Variants in UNC45B observed in about 807,000 individuals in gnomAD.
UNC45B encodes the protein unc-45 myosin chaperone B, also known as protein unc-45 homolog B.
UNC45B carries 78 observed loss-of-function variants against 98.7 expected under a neutral mutation model. That is an observed-to-expected ratio of 0.79 (90% CI 0.66 to 0.95). UNC45B has a LOEUF of 0.95. Ranked by LOEUF, UNC45B falls within the 40% of genes least tolerant of loss-of-function variation. UNC45B has a pLI of 0.00. For missense variants in UNC45B, 1,225 were observed against 1,184.9 expected, an observed-to-expected ratio of 1.03 and a Z score of -0.50; for synonymous variants, 462 against 480.4, an observed-to-expected ratio of 0.96 and a Z score of 0.50.
intron 5 of UNC45B, among the ~76,000 whole-genome samples, chr17:35,153,936 G>C (rs1051518863): frequency 3.3e-5 from 5 of 152,222 alleles, no homozygotes; most frequent in African/African-American, 1.2e-4. Context: ...GCATCCTTAA[G>C]TTGGAAGGCT....
intron 4 of UNC45B, among the ~76,000 whole-genome samples, chr17:35,152,352 GGAT>G (rs1385037625): frequency 1.3e-5 from 2 of 152,202 alleles, no homozygotes; most frequent in African/African-American, 4.8e-5. Flanking sequence ...GCGGAGTGAA[GGAT>G]GATGATCAGT....
At chr17:35,164,188 C>A (rs773327793) in intron 9 of UNC45B, 22 bp downstream of exon 9, 2 of 1,596,492 alleles carry the variant, frequency 1.3e-6, no homozygotes, top group African/African-American at 2.7e-5. Flanking sequence ...GGAGGCCTCA[C>A]AGGGTCAGGC....
intron 4 of UNC45B, among the ~76,000 whole-genome samples, chr17:35,152,152 A>G (rs529033651): frequency 1.3e-5 from 2 of 152,332 alleles, no homozygotes; most frequent in African/African-American, 4.8e-5. Context: ...AGGCTTAGAC[A>G]GGAGAATCAC....
chr17:35,177,181 C>T (rs1361425065), intron 16 of UNC45B, 51 bp downstream of exon 16: 1 of 1,509,468 alleles, frequency 6.6e-7, no homozygotes, highest in Non-Finnish European at 9.2e-7. Flanking sequence ...CTCCTTTGCT[C>T]CTAGAGGCCT....
In UNC45B at chr17:35,177,595, G is replaced by A. The variant is rs772024538; in HGVS notation, c.2240G>A (p.Arg747Gln). 5.7e-5 allele frequency: 88 copies of A among 1,554,790 alleles called. No homozygotes were observed. Among genetic ancestry groups the A allele is most frequent in the Middle Eastern group, 5.0e-4 (3 of 6,014 alleles). ...CTAGGCCTCACCAACCTGTCTGGGC[G>A]GAGTGACAAACTCCGGTGAGTGTGG... ...ALLGLTNLSG[R>Q]SDKLRQKIFK... The change falls in exon 17 of 20, where the codon CGG becomes CAG. Residue 747 changes from arginine (R) to glutamine (Q), a missense_variant. Transcript: ENST00000394570.
intron 8 of UNC45B, among the ~76,000 whole-genome samples, chr17:35,161,470 G>C (rs2092101957): frequency 6.6e-6 from 1 of 152,170 alleles, no homozygotes; most frequent in African/African-American, 2.4e-5. Context: ...GGCAAGAATG[G>C]AAGGGGAGAC....
At chr17:35,170,916 T>A (rs1165059707) in intron 12 of UNC45B, among the ~76,000 whole-genome samples, 1 of 152,122 alleles carries the variant, frequency 6.6e-6, no homozygotes, top group Non-Finnish European at 1.5e-5. Context: ...CCAGACTCCT[T>A]TCCTCATCTG....
At chr17:35,180,288 G>A (rs1020981009) in intron 17 of UNC45B, among the ~76,000 whole-genome samples, 2 of 148,210 alleles carry the variant, frequency 1.3e-5, no homozygotes, top group Non-Finnish European at 3.0e-5. Flanking sequence ...GAGAGAGAGA[G>A]AATTTCTTTA....
chr17:35,175,848 T>C (rs918251574), intron 14 of UNC45B, 120 bp from the exon 15 acceptor site: 6 of 888,702 alleles, frequency 6.8e-6, no homozygotes, highest in Non-Finnish European at 1.1e-5. Context: ...AGTGGCACTT[T>C]CCATAGTCTC....
intron 5 of UNC45B, 89 bp downstream of exon 5, chr17:35,153,071 C>A (rs1456065896): frequency 2.6e-6 from 3 of 1,144,974 alleles, no homozygotes; most frequent in Admixed American, 2.1e-5. Context: ...GGACCGGAGG[C>A]CTGTCTTTGC....
rs113898109 is a variant in UNC45B at position 35,168,233 on chromosome 17, G to T, written c.1324G>T (p.Val442Leu). The change falls in exon 10 of 20, where the codon GTG becomes TTG. Residue 442 changes from valine to leucine, a missense_variant. Physicochemically the swap from Val to Leu is conservative, Grantham distance 32 (BLOSUM62 1). Transcript: ENST00000394570. ...SERETDQLVA[V>L]EALIHASTKL... Reference sequence around the variant, plus strand: ...GCGCGAGACGGACCAGCTGGTGGCCGTGGAGGCCCTCATCCATGCCTCCAC... The same window carrying T: ...GCGCGAGACGGACCAGCTGGTGGCCTTGGAGGCCCTCATCCATGCCTCCAC... 1 of 1,588,172 alleles carries T rather than the reference G, an allele frequency of 6.3e-7. No individual in the cohort carries two copies. The highest frequency in any genetic ancestry group is 1.7e-5 in the Admixed American group (1 of 57,232).
chr17:35,157,158 A>C (rs543889796), intron 7 of UNC45B, among the ~76,000 whole-genome samples: 2 of 152,128 alleles, frequency 1.3e-5, no homozygotes, highest in Non-Finnish European at 2.9e-5. Flanking sequence ...AGTTATTTCC[A>C]ATTTGCATGT....
In UNC45B at chr17:35,168,184, G is replaced by T. The variant is rs1024817676; in HGVS notation, c.1275G>T (p.Met425Ile). The T allele has an allele frequency of 1.9e-6, 3 of 1,606,928 alleles. No homozygotes were observed. The highest frequency in any genetic ancestry group is 1.1e-5 in the South Asian group (1 of 89,994). ...TGGGACTGAAAGGTGTGATGGAGAT[G>T]ATGGTGGCACTATGTGGCTCAGAGC... ...QLLGLKGVMEMMVALCGSERE... is the reference protein window; with the variant it reads ...QLLGLKGVMEIMVALCGSERE... The change falls in exon 10 of 20, where the codon ATG (methionine) becomes ATT (isoleucine). Residue 425 changes from methionine (M) to isoleucine (I), a missense_variant. By Grantham distance (10) the Met-to-Ile change is conservative. Transcript: ENST00000394570.
intron 13 of UNC45B, among the ~76,000 whole-genome samples, chr17:35,172,410 C>T (rs553238993): frequency 5.3e-5 from 8 of 152,114 alleles, no homozygotes; most frequent in Admixed American, 2.0e-4. Context: ...CCACCATGCC[C>T]GGCTAATTTT....
intron 5 of UNC45B, among the ~76,000 whole-genome samples, chr17:35,153,789 T>A (rs1253607394): frequency 1.3e-5 from 2 of 151,822 alleles, no homozygotes; most frequent in African/African-American, 4.8e-5. Context: ...AATTCTCTAA[T>A]CAGCCCTCTC....
chr17:35,148,704 A>G (rs2091994460), intron 2 of UNC45B, among the ~76,000 whole-genome samples: 1 of 152,032 alleles, frequency 6.6e-6, no homozygotes, highest in South Asian at 2.1e-4. Flanking sequence ...TCCTCCCCCT[A>G]TCGCAGGTAA....
At chr17:35,165,249 A>G (rs1023607974) in intron 9 of UNC45B, among the ~76,000 whole-genome samples, 1 of 152,178 alleles carries the variant, frequency 6.6e-6, no homozygotes, top group Non-Finnish European at 1.5e-5. Context: ...CGGTTCTTTC[A>G]AGACTAAGAC....
At chr17:35,154,773 G>A (rs768244469) in intron 6 of UNC45B, 32 bp downstream of exon 6, 1 of 1,536,650 alleles carries the variant, frequency 6.5e-7, no homozygotes, top group Non-Finnish European at 8.7e-7. Flanking sequence ...ATGTGGAGCA[G>A]ACGACTGCTG....
intron 13 of UNC45B, among the ~76,000 whole-genome samples, chr17:35,171,875 G>T (rs923999618): frequency 6.6e-6 from 1 of 152,216 alleles, no homozygotes; most frequent in African/African-American, 2.4e-5. Flanking sequence ...CATTAGCCCA[G>T]AAGTCACAGA....
Sources: allele counts gnomAD v4.1 joint callset (sites outside exome capture counted in the v4.1 genomes callset), GRCh38; gene constraint gnomAD v4.1.1; transcripts MANE v1.5; gene names NCBI Gene and HGNC (gene_info 2026-07-23, HGNC 2026-07-21).